TAB3: variants seen among roughly 807,000 people sequenced by gnomAD.
The protein encoded by TAB3 is TGF-beta activated kinase 1 (MAP3K7) binding protein 3.
A neutral mutation model predicts 48.1 loss-of-function variants in TAB3; 18 were observed. The observed-to-expected ratio is 0.37, with a 90% CI of 0.26 to 0.55. The LOEUF (loss-of-function observed/expected upper bound fraction) is 0.55, where lower values mean the gene tolerates loss of function less well. Among genes scored for constraint, TAB3 ranks in the 20% least tolerant of loss-of-function variants. The pLI, the probability that TAB3 is intolerant of heterozygous loss-of-function variation, is 0.78. For missense variants in TAB3, 414 were observed against 549.8 expected (o/e 0.75, Z 2.47); for synonymous variants, 185 against 190.2 (o/e 0.97, Z 0.22).
In TAB3 at chrX:30,846,592, A is replaced by G. The variant is rs754705740; in HGVS notation, c.1763T>C (p.Val588Ala). 3 of 1,203,768 alleles carry G rather than the reference A, an allele frequency of 2.5e-6. No individual in the cohort carries two copies. The East Asian group carries it at 8.9e-5, about 36-fold the overall frequency. ...GTCAACTTCTTTCAGTGTACAGTCA[A>G]CATTTATCTGGAGTTGTCTGTTCAT... ...RSMNRQLQIN[V>A]DCTLKEVDLL... Residue 588 changes from valine (V) to alanine (A), a missense_variant, in exon 8 of 11, where the codon GTT becomes GCT. Transcript: ENST00000288422.
At chrX:30,847,995 A>G (rs1253475030) in intron 7 of TAB3, among the ~76,000 whole-genome samples, 3 of 112,625 alleles carry the variant, frequency 2.7e-5, no homozygotes, top group African/African-American at 9.7e-5. Flanking sequence ...CTATCAAGCA[A>G]TATTCAAATA....
Position 30,828,184 on chromosome X carries a change from ATACAT to A in TAB3, c.*3238_*3242del, listed in dbSNP as rs1423082002. 1 of 113,487 alleles carries A rather than the reference ATACAT, an allele frequency of 8.8e-6. No individual in the cohort carries two copies. Among genetic ancestry groups the A allele is most frequent in the Non-Finnish European group, 1.9e-5 (1 of 53,389 alleles). 9.4% of individuals were successfully genotyped at this position (113,487 alleles called of 1,213,427 possible). On this transcript the variant is annotated 3_prime_UTR_variant, in exon 11 of 11. Coordinates refer to ENST00000288422, the MANE Select transcript of TAB3 (RefSeq NM_152787.5). Reference sequence around the variant, plus strand: ...ATTCTTTTTGTTTATACTGTCAGAAATACATTACAATTACCTCTTAAAAGACTATA... The same window carrying A: ...ATTCTTTTTGTTTATACTGTCAGAAATACAATTACCTCTTAAAAGACTATA...
intron 1 of TAB3, among the ~76,000 whole-genome samples, chrX:30,874,410 G>C (rs1229209596): frequency 1.8e-5 from 2 of 111,865 alleles, no homozygotes; most frequent in Non-Finnish European, 3.8e-5. Context: ...TTAATTCTTG[G>C]AAAAAAGAGG....
At chrX:30,886,548 C>T (rs1940135785) in intron 1 of TAB3, among the ~76,000 whole-genome samples, 2 of 111,923 alleles carry the variant, frequency 1.8e-5, no homozygotes, top group African/African-American at 6.5e-5. Flanking sequence ...CTGAGGAACA[C>T]AAGACTCCTT....
At chrX:30,855,691 CA>C in intron 5 of TAB3, 129 bp from the exon 6 acceptor site, 1 of 625,325 alleles carries the variant, frequency 1.6e-6, no homozygotes, top group Non-Finnish European at 2.3e-6. Flanking sequence ...ATTTTAACCA[CA>C]AAAAACTTCA....
At chrX:30,882,374 T>C (rs1286600302) in intron 1 of TAB3, among the ~76,000 whole-genome samples, 1 of 112,441 alleles carries the variant, frequency 8.9e-6, no homozygotes, top group South Asian at 3.6e-4. Flanking sequence ...ATAGGAAGAA[T>C]GACTTGTCAT....
intron 7 of TAB3, among the ~76,000 whole-genome samples, chrX:30,850,553 A>G (rs1250967535): frequency 9.2e-6 from 1 of 109,189 alleles, no homozygotes; most frequent in African/African-American, 3.3e-5. Flanking sequence ...TCTACTAAAG[A>G]TACAAAAAAT....
In TAB3 at chrX:30,854,559, G is replaced by C. The variant is rs756699781; in HGVS notation, c.1106C>G (p.Thr369Arg). The change falls in exon 6 of 11, where the codon ACA becomes AGA. Residue 369 changes from threonine to arginine, a missense_variant. Thr to Arg is a moderately conservative substitution (Grantham distance 71). Coordinates refer to ENST00000288422, the MANE Select transcript of TAB3 (RefSeq NM_152787.5). ...SKGSMKKIEITVEPSQRPGTA... is the reference protein window; with the variant it reads ...SKGSMKKIEIRVEPSQRPGTA... ...CCCAGGTCTTTGAGAAGGTTCAACT[G>C]TAATTTCTATCTTCTTCATGGAACC... 8.3e-7 allele frequency: 1 copy of C among 1,210,994 alleles called. No individual in the cohort carries two copies. Among genetic ancestry groups the C allele is most frequent in the Non-Finnish European group, 1.1e-6 (1 of 894,742 alleles).
chrX:30,842,216 A>T (rs1938473015), intron 9 of TAB3, among the ~76,000 whole-genome samples: 1 of 112,231 alleles, frequency 8.9e-6, no homozygotes, highest in African/African-American at 3.2e-5. Context: ...ATTCCTTCAA[A>T]CCTTGGTTAT....
intron 1 of TAB3, among the ~76,000 whole-genome samples, chrX:30,879,641 A>G (rs1939940471): frequency 8.9e-6 from 1 of 111,910 alleles, no homozygotes. Context: ...TAAACATCAT[A>G]TTTAATGGAG....
chrX:30,888,703 C>T (rs931009363), intron 1 of TAB3, among the ~76,000 whole-genome samples: 1 of 113,018 alleles, frequency 8.8e-6, no homozygotes, highest in Non-Finnish European at 1.9e-5. Flanking sequence ...ACACCCTCAA[C>T]GGCCCCCACG....
chrX:30,835,639 A>C (rs1938179569), intron 9 of TAB3: 1 of 111,864 alleles, frequency 8.9e-6, no homozygotes, highest in South Asian at 3.7e-4. Flanking sequence ...TTTAACTACA[A>C]AGTCCAATCT....
intron 4 of TAB3, among the ~76,000 whole-genome samples, chrX:30,865,100 C>T (rs935499748): frequency 8.9e-6 from 1 of 111,756 alleles, no homozygotes; most frequent in Non-Finnish European, 1.9e-5. Context: ...TCAGTGTACT[C>T]TAGTGTGTCT....
chrX:30,888,951 G>A (rs1433334229), intron 1 of TAB3, among the ~76,000 whole-genome samples, 163 bp downstream of exon 1: 1 of 113,182 alleles, frequency 8.8e-6, no homozygotes, highest in South Asian at 3.5e-4. Context: ...CGGCAGCCCC[G>A]CAGTTCCCGC....
At chrX:30,878,516 A>AAAAAAAAAAAAAAAAAG (rs57251085) in intron 1 of TAB3, among the ~76,000 whole-genome samples, 1 of 79,602 alleles carries the variant, frequency 1.3e-5, no homozygotes, top group Non-Finnish European at 2.3e-5. Context: ...AAAAAAAAAA[A>AAAAAAAAAAAAAAAAAG]AAAGAAAGAA....
chrX:30,865,589 T>C (rs2077549515), intron 4 of TAB3, among the ~76,000 whole-genome samples: 1 of 111,806 alleles, frequency 8.9e-6, no homozygotes, highest in Non-Finnish European at 1.9e-5. Flanking sequence ...ATGAGAGAGG[T>C]AATATTATCA....
intron 9 of TAB3, among the ~76,000 whole-genome samples, chrX:30,841,028 C>T (rs769416708): frequency 8.9e-6 from 1 of 112,517 alleles, no homozygotes; most frequent in Non-Finnish European, 1.9e-5. Context: ...AACTATACAC[C>T]TCAGTGACTT....
At chrX:30,871,427 T>C (rs1299224985) in intron 2 of TAB3, among the ~76,000 whole-genome samples, 2 of 111,854 alleles carry the variant, frequency 1.8e-5, no homozygotes, top group African/African-American at 6.5e-5. Flanking sequence ...AAATTACCCT[T>C]CTATTTTCTG....
At chrX:30,870,711 G>C (rs911086931) in intron 2 of TAB3, among the ~76,000 whole-genome samples, 2 of 112,537 alleles carry the variant, frequency 1.8e-5, no homozygotes, top group African/African-American at 6.5e-5. Flanking sequence ...CCCTGCAAGG[G>C]ACATTTGGCA....
Sources: gnomAD v4.1 joint callset for allele counts (sites outside exome capture counted in the v4.1 genomes callset) on GRCh38, gnomAD v4.1.1 for gene constraint, MANE v1.5 for transcripts, NCBI Gene and HGNC (gene_info 2026-07-23, HGNC 2026-07-21) for gene names.